ATP8A2: variants seen among roughly 807,000 people sequenced by gnomAD.
ATP8A2 encodes the protein phospholipid-transporting ATPase IB.
A neutral mutation model predicts 165.6 loss-of-function variants in ATP8A2; 100 were observed. That is an observed-to-expected ratio of 0.60 (90% confidence interval 0.51 to 0.71). ATP8A2 has a LOEUF of 0.71. Ranked by LOEUF, ATP8A2 falls within the 30% of genes least tolerant of loss-of-function variation. The pLI is 0.00. For missense variants in ATP8A2, 1,227 were observed against 1,479.5 expected, an observed-to-expected ratio of 0.83 and a Z score of 2.80; for synonymous variants, 543 against 548.8, an observed-to-expected ratio of 0.99 and a Z score of 0.15.
At chr13:25,718,387 AT>A (rs11418446) in intron 25 of ATP8A2, among the ~76,000 whole-genome samples, 3 of 151,472 alleles carry the variant, frequency 2.0e-5, no homozygotes, top group Admixed American at 6.6e-5. Context: ...TTTGCTATTC[AT>A]TTTTTTTCCC....
At chr13:25,715,993 C>G (rs2043247597) in intron 25 of ATP8A2, among the ~76,000 whole-genome samples, 1 of 152,128 alleles carries the variant, frequency 6.6e-6, no homozygotes, top group African/African-American at 2.4e-5. Context: ...CAAAACTTTC[C>G]TTTTTTAAGT....
At chr13:25,448,506 G>C (rs117528370) in intron 1 of ATP8A2, among the ~76,000 whole-genome samples, 5,523 of 152,274 alleles carry the variant, frequency 0.036, 161 homozygotes, top group South Asian at 0.12. Flanking sequence ...TGTAAAAGTG[G>C]GGGAAATGGT....
At chr13:25,861,330 A>G (rs941207554) in intron 32 of ATP8A2, among the ~76,000 whole-genome samples, 3 of 152,204 alleles carry the variant, frequency 2.0e-5, no homozygotes, top group Non-Finnish European at 1.5e-5. Flanking sequence ...TTAAATATAT[A>G]TTAGGCACAT....
At position 25,933,347 on chromosome 13, in the gene ATP8A2, A is replaced by C. The variant is rs576903529; in HGVS notation, c.3184-28228A>C. ...ATAGCCTGGCAGTTCTGAGCACAGG[A>C]TCTCTAAGCTAGACCGCTTCTGTCT... On this transcript the variant is annotated intron_variant, in intron 33 of 36. Transcript: ENST00000381655. Among the ~76,000 whole-genome samples, 13 of 152,286 alleles carry C rather than the reference A, an allele frequency of 8.5e-5. No homozygotes were observed. In the East Asian group the frequency reaches 2.5e-3, roughly 29 times the overall value.
intron 33 of ATP8A2, among the ~76,000 whole-genome samples, chr13:25,888,223 A>G (rs1953229466): frequency 6.6e-6 from 1 of 152,132 alleles, no homozygotes; most frequent in African/African-American, 2.4e-5. Flanking sequence ...TTTTCACTTT[A>G]TAAAAGTGAA....
intron 2 of ATP8A2, among the ~76,000 whole-genome samples, chr13:25,529,178 C>T (rs2037949193): frequency 1.3e-5 from 2 of 152,138 alleles, no homozygotes; most frequent in Non-Finnish European, 2.9e-5. Flanking sequence ...AGAGTGATGT[C>T]TTCAGAGGGT....
intron 25 of ATP8A2, among the ~76,000 whole-genome samples, chr13:25,718,145 G>T (rs1038770105): frequency 1.3e-5 from 2 of 152,068 alleles, no homozygotes; most frequent in East Asian, 3.9e-4. Context: ...TAATTTGTGT[G>T]GCGTGGTGGC....
intron 33 of ATP8A2, among the ~76,000 whole-genome samples, chr13:25,920,806 G>A (rs929513755): frequency 2.0e-5 from 3 of 152,240 alleles, no homozygotes; most frequent in African/African-American, 7.2e-5. Context: ...CCAGAGGGCA[G>A]GCTGGGCCTG....
At chr13:25,671,393 G>A (rs1050194580) in intron 24 of ATP8A2, among the ~76,000 whole-genome samples, 1 of 152,216 alleles carries the variant, frequency 6.6e-6, no homozygotes, top group Non-Finnish European at 1.5e-5. Context: ...CAGGGAATAA[G>A]AGAGATAACC....
intron 33 of ATP8A2, among the ~76,000 whole-genome samples, chr13:25,865,918 T>A (rs988400676): frequency 6.6e-6 from 1 of 152,198 alleles, no homozygotes; most frequent in Admixed American, 6.5e-5. Context: ...GATGATGTTT[T>A]TTTTCCGTGG....
chr13:25,452,826 C>T (rs192918372), intron 1 of ATP8A2, among the ~76,000 whole-genome samples: 2 of 151,960 alleles, frequency 1.3e-5, no homozygotes, highest in Non-Finnish European at 2.9e-5. Context: ...CTGGGAGGAT[C>T]GCTCACATCT....
At chr13:25,606,787 CAT>C (rs1478496373) in intron 24 of ATP8A2, among the ~76,000 whole-genome samples, 1 of 152,126 alleles carries the variant, frequency 6.6e-6, no homozygotes, top group African/African-American at 2.4e-5. Context: ...TTGCTAGTCA[CAT>C]GTGGTTATTA....
At chr13:25,891,889 T>C (rs1221116243) in intron 33 of ATP8A2, among the ~76,000 whole-genome samples, 1 of 152,146 alleles carries the variant, frequency 6.6e-6, no homozygotes, top group Non-Finnish European at 1.5e-5. Flanking sequence ...AACAGAATGA[T>C]TGTACTGGGT....
chr13:25,432,103 T>G (rs2034630640), intron 1 of ATP8A2, among the ~76,000 whole-genome samples: 1 of 152,262 alleles, frequency 6.6e-6, no homozygotes. Context: ...ATATTCCATT[T>G]TACAGATATC....
intron 25 of ATP8A2, among the ~76,000 whole-genome samples, chr13:25,718,081 A>G (rs2043293980): frequency 6.6e-6 from 1 of 152,122 alleles, no homozygotes; most frequent in South Asian, 2.1e-4. Flanking sequence ...ATTATGTCCC[A>G]TGCACCCCAG....
At chr13:25,938,089 G>A (rs1954966973) in intron 33 of ATP8A2, among the ~76,000 whole-genome samples, 2 of 151,894 alleles carry the variant, frequency 1.3e-5, no homozygotes, top group South Asian at 4.1e-4. Context: ...TATTGGAACG[G>A]GAAATGTAGC....
At chr13:25,586,051 C>T (rs2039912802) in intron 23 of ATP8A2, among the ~76,000 whole-genome samples, 1 of 152,170 alleles carries the variant, frequency 6.6e-6, no homozygotes, top group African/African-American at 2.4e-5. Context: ...GTGCCCGATA[C>T]TGCACTAAGT....
At chr13:25,468,760 G>C (rs1385220646) in intron 1 of ATP8A2, 27 of 890,250 alleles carry the variant, frequency 3.0e-5, no homozygotes, top group Admixed American at 6.2e-5. Flanking sequence ...GCCGCGCGGG[G>C]CGTGGGCGTG....
intron 24 of ATP8A2, among the ~76,000 whole-genome samples, chr13:25,697,984 A>C (rs1252279176): frequency 6.6e-6 from 1 of 152,224 alleles, no homozygotes; most frequent in Non-Finnish European, 1.5e-5. Flanking sequence ...ATTTTACTAG[A>C]GGTAGAAGGA....
Sources: gnomAD v4.1 joint callset for allele counts (sites outside exome capture counted in the v4.1 genomes callset) on GRCh38, gnomAD v4.1.1 for gene constraint, MANE v1.5 for transcripts, NCBI Gene and HGNC (gene_info 2026-07-23, HGNC 2026-07-21) for gene names.